Variants in CPNE4 observed in about 807,000 individuals in gnomAD.
CPNE4 encodes copine-4.
A neutral mutation model predicts 67.9 loss-of-function variants in CPNE4; 25 were observed. The observed-to-expected ratio is 0.37, with a 90% confidence interval of 0.27 to 0.51. The LOEUF is 0.51. Ranked by LOEUF, CPNE4 falls within the 20% of genes least tolerant of loss-of-function variation. The probability of loss-of-function intolerance (pLI) is 0.93; values close to 1 mark genes in which losing one functional copy is unlikely to be tolerated. For missense variants in CPNE4, 464 were observed against 690.8 expected, an observed-to-expected ratio of 0.67 and a Z score of 3.68; for synonymous variants, 242 against 244.9, an observed-to-expected ratio of 0.99 and a Z score of 0.11.
intron 2 of CPNE4, among the ~76,000 whole-genome samples, chr3:131,726,095 C>G (rs1397910438): frequency 2.0e-5 from 3 of 152,162 alleles, no homozygotes; most frequent in Non-Finnish European, 4.4e-5. Context: ...AAAAAGGGCA[C>G]CTGCTCTCCT....
intron 2 of CPNE4, among the ~76,000 whole-genome samples, chr3:131,768,170 A>G (rs1351173641): frequency 6.6e-6 from 1 of 152,054 alleles, no homozygotes; most frequent in Non-Finnish European, 1.5e-5. Flanking sequence ...GGTTTTCGGG[A>G]ACATTTGCAC....
chr3:131,738,461 A>G (rs1187320593), intron 2 of CPNE4, among the ~76,000 whole-genome samples: 5 of 23,302 alleles, frequency 2.1e-4, no homozygotes, highest in African/African-American at 9.9e-4. Context: ...GACCTTTCAT[A>G]TAATCAGAAA....
intron 1 of CPNE4, among the ~76,000 whole-genome samples, chr3:131,970,780 A>G (rs1479957502): frequency 6.6e-6 from 1 of 152,166 alleles, no homozygotes; most frequent in African/African-American, 2.4e-5. Flanking sequence ...TTGTGAATAT[A>G]TGTATGTGTA....
intron 11 of CPNE4, among the ~76,000 whole-genome samples, chr3:131,562,431 T>C (rs528617725): frequency 2.6e-4 from 40 of 152,172 alleles, no homozygotes; most frequent in African/African-American, 9.1e-4. Context: ...TCCCCGCAGA[T>C]TCAGAGTTAA....
intron 2 of CPNE4, among the ~76,000 whole-genome samples, chr3:131,760,841 A>G (rs2082868170): frequency 2.6e-5 from 4 of 152,286 alleles, no homozygotes; most frequent in Non-Finnish European, 4.4e-5. Context: ...GACCAGTTCT[A>G]TCCTTTCTCA....
intron 2 of CPNE4, among the ~76,000 whole-genome samples, chr3:131,892,648 A>G (rs1267262741): frequency 6.6e-6 from 1 of 152,158 alleles, no homozygotes. Context: ...TAAGGAACAC[A>G]TAATGGATTT....
intron 10 of CPNE4, among the ~76,000 whole-genome samples, chr3:131,574,459 G>T (rs1317821190): frequency 6.6e-6 from 1 of 152,072 alleles, no homozygotes; most frequent in African/African-American, 2.4e-5. Context: ...TACATCAGGG[G>T]TGTGTAAATC....
rs762185099 is a variant in CPNE4, at chr3:131,717,906, C to CT, written c.360+5539dup. On this transcript the variant is annotated intron_variant, in intron 3 of 15. Transcript: ENST00000429747. ...TCTTTCTTTCTTTCTTTCTTTCTTTCTTTCTTTCTTTCTTTCTTTCTTTCT... is the reference window on the plus strand; with the variant it reads ...TCTTTCTTTCTTTCTTTCTTTCTTTCTTTTCTTTCTTTCTTTCTTTCTTTCT... Among the ~76,000 whole-genome samples the CT allele has an allele frequency of 1.5e-4, 21 of 136,480 alleles. 2 individuals carry two copies. Among genetic ancestry groups the CT allele is most frequent in the African/African-American group, 4.6e-4 (17 of 37,196 alleles). The allele number at this position is 136,480 out of a possible 152,430, so 89.5% of individuals were successfully genotyped here. A position where few individuals can be genotyped will look rare whatever the true frequency, so the allele number is the denominator to read the frequency against.
At chr3:131,601,838 T>C (rs372563975) in intron 7 of CPNE4, among the ~76,000 whole-genome samples, 1 of 152,146 alleles carries the variant, frequency 6.6e-6, no homozygotes, top group African/African-American at 2.4e-5. Flanking sequence ...CTTTGGTGAA[T>C]GCCCTAGGAG....
At chr3:131,858,946 T>C (rs1304665730) in intron 2 of CPNE4, among the ~76,000 whole-genome samples, 3 of 152,182 alleles carry the variant, frequency 2.0e-5, no homozygotes, top group Non-Finnish European at 4.4e-5. Flanking sequence ...GTCTGGACTC[T>C]GCTCACCAAA....
intron 2 of CPNE4, among the ~76,000 whole-genome samples, chr3:131,854,029 T>A (rs1395091709): frequency 6.6e-6 from 1 of 151,936 alleles, no homozygotes; most frequent in African/African-American, 2.4e-5. Context: ...ATTTCATTTT[T>A]ATGTATTTTC....
chr3:131,898,702 C>T (rs2088432248), intron 2 of CPNE4, among the ~76,000 whole-genome samples: 1 of 152,040 alleles, frequency 6.6e-6, no homozygotes, highest in African/African-American at 2.4e-5. Flanking sequence ...AACCATCAGC[C>T]TCTGGTCACA....
intron 2 of CPNE4, among the ~76,000 whole-genome samples, chr3:131,742,774 T>A (rs2082389444): frequency 6.6e-6 from 1 of 152,024 alleles, no homozygotes; most frequent in South Asian, 2.1e-4. Flanking sequence ...GATCCTTGTA[T>A]TAAAGGAAAA....
At chr3:131,734,574 G>A (rs559401694) in intron 2 of CPNE4, among the ~76,000 whole-genome samples, 6 of 152,178 alleles carry the variant, frequency 3.9e-5, no homozygotes, top group African/African-American at 1.4e-4. Context: ...GGAATATGGA[G>A]TAGGTCCATA....
chr3:131,701,888 T>A (rs974947567), intron 3 of CPNE4, among the ~76,000 whole-genome samples: 6 of 152,148 alleles, frequency 3.9e-5, no homozygotes, highest in Non-Finnish European at 7.4e-5. Context: ...TTTTTTTAAG[T>A]TTTGAAGTAA....
At chr3:131,878,330 G>A (rs571531419) in intron 2 of CPNE4, among the ~76,000 whole-genome samples, 83 of 152,208 alleles carry the variant, frequency 5.5e-4, no homozygotes, top group African/African-American at 1.8e-3. Context: ...CATGAATCTC[G>A]CAAATATAGT....
chr3:131,554,955 A>G (rs1049359915), intron 12 of CPNE4, among the ~76,000 whole-genome samples: 3 of 152,110 alleles, frequency 2.0e-5, no homozygotes, highest in Non-Finnish European at 2.9e-5. Context: ...TTTTTCTGTC[A>G]TGAGAAATCA....
intron 2 of CPNE4, among the ~76,000 whole-genome samples, chr3:131,887,740 T>A (rs549249763): frequency 1.3e-5 from 2 of 152,318 alleles, no homozygotes; most frequent in South Asian, 4.1e-4. Flanking sequence ...ACTCCCTCAA[T>A]AAGAATTGGA....
intron 7 of CPNE4, among the ~76,000 whole-genome samples, chr3:131,658,518 C>T (rs951939670): frequency 1.3e-5 from 2 of 152,182 alleles, no homozygotes; most frequent in South Asian, 4.1e-4. Context: ...GAAAATAATT[C>T]GTTTCTTATC....
Sources: allele counts gnomAD v4.1 joint callset (sites outside exome capture counted in the v4.1 genomes callset), GRCh38; gene constraint gnomAD v4.1.1; transcripts MANE v1.5; gene names NCBI Gene and HGNC (gene_info 2026-07-23, HGNC 2026-07-21).